The following POLR1D variants were observed in gnomAD, a reference collection of about 807,000 sequenced individuals.
The protein encoded by POLR1D is RNA polymerase I and III subunit D.
A neutral mutation model predicts 10.8 loss-of-function variants in POLR1D; 8 were observed. The ratio of observed to expected loss-of-function variants is 0.74; its 90% CI spans 0.43 to 1.33. POLR1D has a LOEUF of 1.33. Ranked by LOEUF, POLR1D falls within the 40% of genes most tolerant of loss-of-function variation. The probability of loss-of-function intolerance (pLI) is 0.01; values close to 1 mark genes in which losing one functional copy is unlikely to be tolerated. For missense variants in POLR1D, 152 were observed against 161.7 expected (o/e 0.94, Z 0.32); for synonymous variants, 54 against 57.2 (o/e 0.94, Z 0.25).
chr13:27,650,142 C>T (rs1956252977), intron 2 of POLR1D: 1 of 397,882 alleles, frequency 2.5e-6, no homozygotes, highest in African/African-American at 2.1e-5. Context: ...ATGCTACCCT[C>T]CCAGCATCAG....
intron 1 of POLR1D, among the ~76,000 whole-genome samples, chr13:27,635,148 G>T (rs1397406889): frequency 6.6e-6 from 1 of 152,086 alleles, no homozygotes; most frequent in Non-Finnish European, 1.5e-5. Context: ...AACATGAAAA[G>T]AATCAAATGA....
chr13:27,661,582 T>C (rs879917946), intron 2 of POLR1D, among the ~76,000 whole-genome samples: 1 of 152,124 alleles, frequency 6.6e-6, no homozygotes, highest in Non-Finnish European at 1.5e-5. Flanking sequence ...TTATGCTCAA[T>C]TTCAGGGCTC....
chr13:27,626,213 A>G (rs1018525219), downstream of POLR1D, among the ~76,000 whole-genome samples: 2 of 152,230 alleles, frequency 1.3e-5, no homozygotes, highest in African/African-American at 4.8e-5. Context: ...CTGGAGTTTA[A>G]TTCCTCTAAA....
intron 2 of POLR1D, among the ~76,000 whole-genome samples, chr13:27,649,217 A>G (rs913751017): frequency 1.2e-4 from 18 of 152,260 alleles, no homozygotes; most frequent in African/African-American, 4.1e-4. Flanking sequence ...AAAAATGTGA[A>G]AAGAGTAGAA....
chr13:27,627,968 G>T (rs1956034369), downstream of POLR1D, among the ~76,000 whole-genome samples: 4 of 151,980 alleles, frequency 2.6e-5, no homozygotes, highest in Admixed American at 2.6e-4. Context: ...GACCCCAAAG[G>T]CCCCATATCC....
At chr13:27,641,021 TTTTA>T (rs1956168394) in intron 1 of POLR1D, among the ~76,000 whole-genome samples, 1 of 152,206 alleles carries the variant, frequency 6.6e-6, no homozygotes, top group Admixed American at 6.5e-5. Flanking sequence ...CCGTATTGGT[TTTTA>T]TTTGTGTTAT....
downstream of POLR1D, among the ~76,000 whole-genome samples, chr13:27,624,871 G>C (rs986715297): frequency 6.6e-6 from 1 of 152,184 alleles, no homozygotes; most frequent in Non-Finnish European, 1.5e-5. Context: ...CTGGGTGACA[G>C]AGGGAGACCT....
At position 27,630,621 on chromosome 13, in the gene POLR1D, C is replaced by A. The variant is rs1956063936; in HGVS notation, c.26+8612C>A. On this transcript the variant is annotated intron_variant, in intron 1 of 2. Coordinates refer to the POLR1D transcript ENST00000399697. ...GGCAAGTGATGTAACCTTTCTGAGC[C>A]TCAGTTTCATACCTATAAAATTAGG... Among the ~76,000 whole-genome samples the A allele has an allele frequency of 3.3e-5, 5 of 152,162 alleles. No homozygotes were observed. In the South Asian group the frequency reaches 8.3e-4, roughly 25 times the overall value.
intron 1 of POLR1D, among the ~76,000 whole-genome samples, chr13:27,631,191 C>T (rs1956069520): frequency 6.6e-6 from 1 of 152,162 alleles, no homozygotes; most frequent in Non-Finnish European, 1.5e-5. Flanking sequence ...GATTTTGACT[C>T]AGGGTCTCTG....
intron 1 of POLR1D, among the ~76,000 whole-genome samples, chr13:27,632,237 T>C (rs1956080943): frequency 6.6e-6 from 1 of 152,220 alleles, no homozygotes; most frequent in Non-Finnish European, 1.5e-5. Flanking sequence ...GAGAGTGATA[T>C]GAATTTTCCT....
chr13:27,624,323 T>C (rs544822878), downstream of POLR1D, among the ~76,000 whole-genome samples: 2 of 152,304 alleles, frequency 1.3e-5, no homozygotes, highest in South Asian at 4.1e-4. Context: ...GAGGTCAACA[T>C]GATTCTGGTA....
chr13:27,661,211 T>C (rs1020706064), intron 2 of POLR1D, among the ~76,000 whole-genome samples: 3 of 152,110 alleles, frequency 2.0e-5, no homozygotes, highest in Non-Finnish European at 4.4e-5. Context: ...TGAAGGAAAT[T>C]GCTTTCCTTT....
intron 1 of POLR1D, among the ~76,000 whole-genome samples, chr13:27,639,029 T>C (rs1956152868): frequency 6.6e-6 from 1 of 152,204 alleles, no homozygotes; most frequent in Admixed American, 6.5e-5. Context: ...TTTTATTTTT[T>C]ATTTCTGCTT....
At chr13:27,655,744 A>G (rs1002484382) in intron 2 of POLR1D, among the ~76,000 whole-genome samples, 1 of 152,206 alleles carries the variant, frequency 6.6e-6, no homozygotes, top group Non-Finnish European at 1.5e-5. Flanking sequence ...ATATAATAAT[A>G]GTATGTAAAT....
intron 2 of POLR1D, chr13:27,665,176 A>G (rs1956403343): frequency 6.4e-6 from 1 of 155,634 alleles, no homozygotes; most frequent in Admixed American, 6.3e-5. Context: ...AGATTATTGC[A>G]TATTTATGGA....
At chr13:27,655,204 G>A (rs1205011123) in intron 2 of POLR1D, among the ~76,000 whole-genome samples, 1 of 152,074 alleles carries the variant, frequency 6.6e-6, no homozygotes, top group Non-Finnish European at 1.5e-5. Context: ...TGAGAAAAAA[G>A]GACATTGTTT....
intron 1 of POLR1D, among the ~76,000 whole-genome samples, chr13:27,629,856 G>C (rs1956055664): frequency 6.6e-6 from 1 of 152,108 alleles, no homozygotes; most frequent in Non-Finnish European, 1.5e-5. Context: ...AGGTAGCCAG[G>C]GCTCAATCTA....
chr13:27,639,325 A>T (rs1431186259), intron 1 of POLR1D, among the ~76,000 whole-genome samples: 1 of 152,156 alleles, frequency 6.6e-6, no homozygotes, highest in African/African-American at 2.4e-5. Context: ...CATAGACTGT[A>T]ATATTTTTAA....
At chr13:27,629,413 A>C (rs1346190240) in intron 1 of POLR1D, among the ~76,000 whole-genome samples, 4 of 152,238 alleles carry the variant, frequency 2.6e-5, no homozygotes, top group Non-Finnish European at 4.4e-5. Flanking sequence ...TTAGGACAGT[A>C]CCTGAACCAT....
Sources: gnomAD v4.1 joint callset for allele counts (sites outside exome capture counted in the v4.1 genomes callset) on GRCh38, gnomAD v4.1.1 for gene constraint, MANE v1.5 for transcripts, NCBI Gene and HGNC (gene_info 2026-07-23, HGNC 2026-07-21) for gene names.